Variants in CADPS2 observed in about 807,000 individuals in gnomAD.
The protein encoded by CADPS2 is calcium-dependent secretion activator 2.
Under a neutral mutation model 172.5 loss-of-function variants are expected in CADPS2, and 93 were observed. The observed-to-expected ratio is 0.54, with a 90% CI of 0.46 to 0.64. The LOEUF is 0.64. Among genes scored for constraint, CADPS2 ranks in the 30% least tolerant of loss-of-function variants. The pLI is 0.00. For synonymous variants in CADPS2, 546 were observed against 555.2 expected, an observed-to-expected ratio of 0.98 and a Z score of 0.23; for missense variants, 1,420 against 1,565.9, an observed-to-expected ratio of 0.91 and a Z score of 1.57.
At chr7:122,732,206 C>G (rs1036736090) in intron 2 of CADPS2, among the ~76,000 whole-genome samples, 9 of 151,070 alleles carry the variant, frequency 6.0e-5, no homozygotes, top group Non-Finnish European at 1.3e-4. Context: ...AAAAATGTAC[C>G]AAGAAGAAAT....
At chr7:122,354,760 T>A (rs2039152220) in intron 27 of CADPS2, among the ~76,000 whole-genome samples, 1 of 152,188 alleles carries the variant, frequency 6.6e-6, no homozygotes, top group African/African-American at 2.4e-5. Flanking sequence ...TCTTGCTTTT[T>A]CTTTCTCACT....
intron 1 of CADPS2, among the ~76,000 whole-genome samples, chr7:122,815,294 G>T (rs903713917): frequency 6.6e-6 from 1 of 152,200 alleles, no homozygotes; most frequent in African/African-American, 2.4e-5. Flanking sequence ...AAACAAAAAT[G>T]TTAGCTAATT....
At chr7:122,399,430 G>A (rs541514637) in intron 20 of CADPS2, among the ~76,000 whole-genome samples, 1 of 152,198 alleles carries the variant, frequency 6.6e-6, no homozygotes, top group Non-Finnish European at 1.5e-5. Flanking sequence ...TTAATTAACC[G>A]AAGCTTATAA....
intron 27 of CADPS2, 103 bp from the exon 28 acceptor site, chr7:122,345,784 T>A: frequency 1.4e-6 from 1 of 725,382 alleles, no homozygotes; most frequent in Non-Finnish European, 2.3e-6. Flanking sequence ...ATTACAGTCA[T>A]AACAAGGAGC....
chr7:122,593,221 C>G (rs1408661272), intron 6 of CADPS2, among the ~76,000 whole-genome samples: 1 of 151,406 alleles, frequency 6.6e-6, no homozygotes, highest in Non-Finnish European at 1.5e-5. Flanking sequence ...TTCTGCATGG[C>G]AATATATAAA....
intron 2 of CADPS2, among the ~76,000 whole-genome samples, chr7:122,670,659 G>A (rs1011319455): frequency 2.0e-5 from 3 of 151,788 alleles, no homozygotes; most frequent in African/African-American, 4.8e-5. Flanking sequence ...CACCACGCCT[G>A]GCTAATTTTT....
intron 29 of CADPS2, 63 bp downstream of exon 29, chr7:122,325,414 A>C: frequency 9.9e-7 from 1 of 1,015,060 alleles, no homozygotes; most frequent in African/African-American, 1.6e-5. Context: ...CTTGTATGTC[A>C]GTATCTTGCC....
Position 122,474,436 on chromosome 7 carries a change from C to A in CADPS2, c.1943G>T (p.Arg648Ile), listed in dbSNP as rs772267461. The change falls in exon 13 of 30, where the codon AGA becomes ATA. Residue 648 changes from arginine to isoleucine, a missense_variant. Transcript: ENST00000449022. ...PCKLDHAFLF[R>I]ILQRQTLDHR... Reference sequence around the variant, plus strand: ...ATCCAAAGTCTGCCTCTGGAGTATTCTAAAAAGGAAGGCATGATCAAGCTT... The same window carrying A: ...ATCCAAAGTCTGCCTCTGGAGTATTATAAAAAGGAAGGCATGATCAAGCTT... 1 of 1,613,302 alleles carries A rather than the reference C, an allele frequency of 6.2e-7. No individual in the cohort carries two copies. Among genetic ancestry groups the A allele is most frequent in the Non-Finnish European group, 8.5e-7 (1 of 1,179,638 alleles).
At chr7:122,666,945 C>A (rs2081253067) in intron 2 of CADPS2, among the ~76,000 whole-genome samples, 1 of 152,212 alleles carries the variant, frequency 6.6e-6, no homozygotes, top group Non-Finnish European at 1.5e-5. Context: ...TAAGACACAC[C>A]TACTCCAGTG....
intron 1 of CADPS2, among the ~76,000 whole-genome samples, chr7:122,796,471 A>G (rs1796398044): frequency 6.6e-6 from 1 of 152,238 alleles, no homozygotes; most frequent in African/African-American, 2.4e-5. Context: ...ACTATACTAC[A>G]GGGCTACAGT....
intron 8 of CADPS2, among the ~76,000 whole-genome samples, chr7:122,548,186 A>C (rs979037734): frequency 1.3e-5 from 2 of 151,898 alleles, no homozygotes; most frequent in African/African-American, 4.8e-5. Context: ...TGGGCAATAT[A>C]GGGAGACCCC....
chr7:122,857,430 T>A (rs1584965137), intron 1 of CADPS2, among the ~76,000 whole-genome samples: 1 of 152,160 alleles, frequency 6.6e-6, no homozygotes, highest in South Asian at 2.1e-4. Context: ...GAGTTACATA[T>A]TAAATGATGG....
At chr7:122,633,583 G>A (rs1208595777) in intron 3 of CADPS2, among the ~76,000 whole-genome samples, 2 of 152,040 alleles carry the variant, frequency 1.3e-5, no homozygotes, top group Non-Finnish European at 2.9e-5. Flanking sequence ...TTATCAGTTC[G>A]AGAAGCTTTT....
rs758965682 is a variant in CADPS2 at position 122,320,183 on chromosome 7, G to T, written c.3873C>A (p.Asp1291Glu). ...TGTGATATCAGCCTTCTTCTTCTTC[G>T]TCACTGTCTTTCATAGTAATGCCCT... ...GLQGITMKDS[D>E]EEEEG Residue 1291 changes from aspartate (D) to glutamate (E), a missense_variant, in exon 30 of 30, where the codon GAC (aspartate) becomes GAA (glutamate). Transcript: ENST00000449022. The T allele has an allele frequency of 1.2e-5, 20 of 1,602,298 alleles. No individual in the cohort carries two copies. The highest frequency in any genetic ancestry group is 1.6e-5 in the Non-Finnish European group (19 of 1,174,998).
intron 1 of CADPS2, among the ~76,000 whole-genome samples, chr7:122,854,267 G>C (rs1814562284): frequency 6.6e-6 from 1 of 152,086 alleles, no homozygotes; most frequent in Admixed American, 6.5e-5. Context: ...AGCTACTTGG[G>C]AAGCAAGATG....
chr7:122,817,072 G>C (rs533985968), intron 1 of CADPS2, among the ~76,000 whole-genome samples: 2 of 150,454 alleles, frequency 1.3e-5, no homozygotes, highest in Non-Finnish European at 2.9e-5. Flanking sequence ...ATCTCCCTTC[G>C]CTAACTCTCT....
At chr7:122,471,606 A>G (rs2055952115) in intron 13 of CADPS2, 44 bp from the exon 14 acceptor site, 2 of 1,484,988 alleles carry the variant, frequency 1.3e-6, no homozygotes, top group Non-Finnish European at 9.0e-7. Flanking sequence ...TTTTCTTTCT[A>G]TACTACGATT....
rs527691802 is a variant in CADPS2 at position 122,769,991 on chromosome 7, A to T, written c.340-32923T>A. On this transcript the variant is annotated intron_variant, in intron 1 of 29. Coordinates refer to ENST00000449022, the MANE Select transcript of CADPS2 (RefSeq NM_017954.11). ...TTCAGCATTTTACATATATTAACTC[A>T]ATCCACACAACCACCCATAAGATAG... Among the ~76,000 whole-genome samples the T allele has an allele frequency of 6.6e-4, 100 of 152,306 alleles. 2 individuals are homozygous for T. The highest frequency in any genetic ancestry group is 4.3e-3 in the South Asian group (21 of 4,834).
chr7:122,841,720 C>G (rs527919301), intron 1 of CADPS2, among the ~76,000 whole-genome samples: 34 of 152,202 alleles, frequency 2.2e-4, no homozygotes, highest in Admixed American at 8.5e-4. Flanking sequence ...CTAAAGAAAA[C>G]GAAGAGTTGC....
Sources: allele counts gnomAD v4.1 joint callset (sites outside exome capture counted in the v4.1 genomes callset), GRCh38; gene constraint gnomAD v4.1.1; transcripts MANE v1.5; gene names NCBI Gene and HGNC (gene_info 2026-07-23, HGNC 2026-07-21).